ARHGAP24: variants seen among roughly 807,000 people sequenced by gnomAD.
ARHGAP24 encodes the protein rho GTPase-activating protein 24.
ARHGAP24 carries 50 observed loss-of-function variants against 76.4 expected under a neutral mutation model. The observed-to-expected ratio is 0.65, with a 90% CI of 0.52 to 0.83. The LOEUF is 0.83. ARHGAP24 is among the 40% of genes least tolerant of loss of function. ARHGAP24 has a pLI of 0.00. For synonymous variants in ARHGAP24, 345 were observed against 323.3 expected, an observed-to-expected ratio of 1.07 and a Z score of -0.72; for missense variants, 930 against 914.2, an observed-to-expected ratio of 1.02 and a Z score of -0.22.
rs116705160 is a variant in ARHGAP24 at position 85,789,432 on chromosome 4, T to C, written c.268+67460T>C. Among the ~76,000 whole-genome samples, 104 of 152,040 alleles carry C rather than the reference T, an allele frequency of 6.8e-4. 1 individual carries two copies. The highest frequency in any genetic ancestry group is 1.3e-3 in the Non-Finnish European group (91 of 67,976). ...GTTGGCTGGAGTTCAGGGATAAAAC[T>C]CTTCTTAAGAGTGAAATGGCAAGAA... On this transcript the variant is annotated intron_variant, in intron 3 of 9. Transcript: ENST00000395184.
intron 3 of ARHGAP24, among the ~76,000 whole-genome samples, chr4:85,765,103 C>T (rs775748522): frequency 1.3e-5 from 2 of 152,100 alleles, no homozygotes; most frequent in Non-Finnish European, 2.9e-5. Flanking sequence ...TCAAACTTTA[C>T]ATTTTAATTC....
chr4:85,805,735 C>CA, intron 3 of ARHGAP24, among the ~76,000 whole-genome samples: 1 of 152,250 alleles, frequency 6.6e-6, no homozygotes, highest in Non-Finnish European at 1.5e-5. Context: ...GTTGATGCCC[C>CA]ATTAGTGCTC....
intron 1 of ARHGAP24, among the ~76,000 whole-genome samples, chr4:85,508,310 C>T (rs1282690174): frequency 6.6e-6 from 1 of 152,172 alleles, no homozygotes; most frequent in Non-Finnish European, 1.5e-5. Context: ...AGGGAAGATA[C>T]TGCATTGTTT....
chr4:85,769,015 G>A (rs992761938), intron 3 of ARHGAP24, among the ~76,000 whole-genome samples: 4 of 152,294 alleles, frequency 2.6e-5, no homozygotes, highest in Admixed American at 6.5e-5. Flanking sequence ...GATGAAGGAT[G>A]AGGATCTTTT....
chr4:85,539,607 C>T (rs1346612561), intron 1 of ARHGAP24, among the ~76,000 whole-genome samples: 1 of 151,652 alleles, frequency 6.6e-6, no homozygotes, highest in Non-Finnish European at 1.5e-5. Flanking sequence ...GCTAAATTAC[C>T]ATCTAATAGA....
chr4:85,886,983 T>C (rs778439868), intron 3 of ARHGAP24, among the ~76,000 whole-genome samples: 1 of 152,160 alleles, frequency 6.6e-6, no homozygotes, highest in African/African-American at 2.4e-5. Flanking sequence ...ATCAATCAGA[T>C]AATGATTGCA....
At chr4:85,843,760 A>G (rs911276594) in intron 3 of ARHGAP24, among the ~76,000 whole-genome samples, 2 of 152,182 alleles carry the variant, frequency 1.3e-5, no homozygotes, top group South Asian at 4.1e-4. Context: ...AACAAGAATT[A>G]GAAAACATGT....
chr4:85,741,012 T>C (rs1440438166), intron 3 of ARHGAP24, among the ~76,000 whole-genome samples: 1 of 152,252 alleles, frequency 6.6e-6, no homozygotes, highest in Non-Finnish European at 1.5e-5. Context: ...TTTAAGGACA[T>C]TATTCTCTTC....
In ARHGAP24 at chr4:85,995,001, C is replaced by T. The variant is rs1267025834; in HGVS notation, c.1347C>T (p.Thr449=). 2 of 1,613,934 alleles carry T rather than the reference C, an allele frequency of 1.2e-6. No homozygotes were observed. Among genetic ancestry groups the T allele is most frequent in the Non-Finnish European group, 1.7e-6 (2 of 1,180,016 alleles). The change falls in exon 9 of 10, where the codon ACC becomes ACT. Residue 449 remains threonine (T), a synonymous_variant. Coordinates refer to ENST00000395184, the MANE Select transcript of ARHGAP24 (RefSeq NM_001025616.3). ...SSSNAEGLEK[T]QTTPNGSLQA... ...GTAATGCAGAAGGTCTTGAGAAAAC[C>T]CAAACCACCCCCAATGGGAGCCTAC... is the stretch of plus-strand genomic sequence containing the variant.
At chr4:85,909,314 T>G (rs770024573) in intron 3 of ARHGAP24, among the ~76,000 whole-genome samples, 1 of 150,848 alleles carries the variant, frequency 6.6e-6, no homozygotes, top group Non-Finnish European at 1.5e-5. Flanking sequence ...TTTTTTTAAT[T>G]TGTGGTGTGT....
rs116397248 is a variant in ARHGAP24 at position 85,995,506 on chromosome 4, G to A, written c.1852G>A (p.Gly618Ser). The A allele has an allele frequency of 1.2e-5, 19 of 1,602,826 alleles. No homozygotes were observed. Among genetic ancestry groups the A allele is most frequent in the Non-Finnish European group, 1.6e-5 (19 of 1,173,610 alleles). The change falls in exon 9 of 10, where the codon GGT becomes AGT. Residue 618 changes from glycine (G) to serine (S), a missense_variant. Coordinates refer to ENST00000395184, the MANE Select transcript of ARHGAP24 (RefSeq NM_001025616.3). ...CAAAAGTGACCACAGGAGTGTGGGA[G>A]GTCGAAGTAGTCGTGCCACCAGTAG... ...ESKSDHRSVG[G>S]RSSRATSSSD...
At chr4:85,553,705 C>T (rs1047419207) in intron 1 of ARHGAP24, among the ~76,000 whole-genome samples, 2 of 152,212 alleles carry the variant, frequency 1.3e-5, no homozygotes, top group Non-Finnish European at 2.9e-5. Context: ...CTTCACCTCT[C>T]AATTGCATGT....
At chr4:85,798,380 G>T (rs1728452174) in intron 3 of ARHGAP24, among the ~76,000 whole-genome samples, 2 of 152,178 alleles carry the variant, frequency 1.3e-5, no homozygotes. Context: ...CAAGAGTTGG[G>T]ACTGGGGAGA....
chr4:85,865,225 CT>C (rs139626022), intron 3 of ARHGAP24, among the ~76,000 whole-genome samples: 6,285 of 151,928 alleles, frequency 0.041, 444 homozygotes, highest in African/African-American at 0.14. Flanking sequence ...AAATAAAAAA[CT>C]TTTTTAGCTA....
At chr4:85,509,782 T>G (rs1724203467) in intron 1 of ARHGAP24, among the ~76,000 whole-genome samples, 1 of 152,078 alleles carries the variant, frequency 6.6e-6, no homozygotes, top group Admixed American at 6.6e-5. Context: ...TGGAAGCTTT[T>G]CATGTGATGT....
chr4:85,975,443 T>C (rs1304321135), intron 7 of ARHGAP24: 1 of 153,724 alleles, frequency 6.5e-6, no homozygotes, highest in African/African-American at 2.4e-5. Context: ...GATTAGTATA[T>C]AGTAAGCATT....
At chr4:85,574,578 C>T (rs985163464) in intron 2 of ARHGAP24, among the ~76,000 whole-genome samples, 10 of 152,098 alleles carry the variant, frequency 6.6e-5, no homozygotes, top group Admixed American at 1.3e-4. Context: ...TAGAGAGAAA[C>T]GGGGGGCCCC....
At chr4:85,528,388 T>A (rs1205642656) in intron 1 of ARHGAP24, among the ~76,000 whole-genome samples, 2 of 151,936 alleles carry the variant, frequency 1.3e-5, no homozygotes, top group Non-Finnish European at 1.5e-5. Context: ...GCCACTGGAG[T>A]TTTTTAAGGA....
intron 2 of ARHGAP24, among the ~76,000 whole-genome samples, chr4:85,611,419 A>G (rs980133360): frequency 1.3e-5 from 2 of 152,214 alleles, no homozygotes; most frequent in Non-Finnish European, 2.9e-5. Context: ...TAAAGCATGT[A>G]TCTCCACTAG....
Sources: allele counts gnomAD v4.1 joint callset (sites outside exome capture counted in the v4.1 genomes callset), GRCh38; gene constraint gnomAD v4.1.1; transcripts MANE v1.5; gene names NCBI Gene and HGNC (gene_info 2026-07-23, HGNC 2026-07-21).